Variants in MOCOS observed in about 807,000 individuals in gnomAD.
MOCOS encodes molybdenum cofactor sulfurase.
A neutral mutation model predicts 83.6 loss-of-function variants in MOCOS; 86 were observed. The observed-to-expected ratio is 1.03, with a 90% CI of 0.86 to 1.23. The LOEUF is 1.23. Ranked by LOEUF, MOCOS falls within the 50% of genes most tolerant of loss-of-function variation. The pLI is 0.00. For synonymous variants in MOCOS, 445 were observed against 434.7 expected (o/e 1.02, Z -0.29); for missense variants, 1,120 against 1,126.9 (o/e 0.99, Z 0.09).
chr18:36,231,146 T>A (rs939561997), intron 9 of MOCOS, among the ~76,000 whole-genome samples: 1 of 152,212 alleles, frequency 6.6e-6, no homozygotes, highest in Admixed American at 6.5e-5. Context: ...ATGACTAAAT[T>A]TATTTCTTAC....
intron 12 of MOCOS, among the ~76,000 whole-genome samples, chr18:36,258,010 C>T (rs2091649190): frequency 6.6e-6 from 1 of 152,186 alleles, no homozygotes; most frequent in Admixed American, 6.5e-5. Flanking sequence ...AGCTCGCTAT[C>T]TTTGAGAGCA....
At chr18:36,211,588 A>G (rs2091455627) in intron 6 of MOCOS, among the ~76,000 whole-genome samples, 2 of 152,014 alleles carry the variant, frequency 1.3e-5, no homozygotes, top group Admixed American at 1.3e-4. Flanking sequence ...GTCCTCCCTG[A>G]ATGCTGTGCT....
intron 9 of MOCOS, among the ~76,000 whole-genome samples, chr18:36,221,088 A>G (rs947323585): frequency 2.6e-5 from 4 of 152,224 alleles, no homozygotes; most frequent in Non-Finnish European, 5.9e-5. Context: ...AACCAATAGA[A>G]AAGTATAGGC....
intron 2 of MOCOS, among the ~76,000 whole-genome samples, chr18:36,195,923 CT>C (rs5824001): frequency 0.15 from 22,367 of 152,142 alleles, 1,850 homozygotes; most frequent in East Asian, 0.31. Flanking sequence ...TTGTGCATGT[CT>C]AGGGAAAGCT....
At position 36,199,685 on chromosome 18, in the gene MOCOS, T is replaced by C. The variant is rs770143678; in HGVS notation, c.302T>C (p.Ile101Thr). Reference protein sequence around the residue: ...HDTVEQVRYRILAHFHTTAED... With the variant: ...HDTVEQVRYRTLAHFHTTAED... Reference sequence around the variant, plus strand: ...CGGGGATGCTGTGCTTCTTCCAGAATCCTGGCGCACTTCCACACCACCGCA... The same window carrying C: ...CGGGGATGCTGTGCTTCTTCCAGAACCCTGGCGCACTTCCACACCACCGCA... Residue 101 changes from isoleucine to threonine, a missense_variant and splice_region_variant, in exon 4 of 15, where the codon ATC becomes ACC. Transcript: ENST00000261326. 1 of 1,613,600 alleles carries C rather than the reference T, an allele frequency of 6.2e-7. No homozygotes were observed. The highest frequency in any genetic ancestry group is 8.5e-7 in the Non-Finnish European group (1 of 1,180,044).
intron 9 of MOCOS, among the ~76,000 whole-genome samples, chr18:36,240,966 G>A (rs887035593): frequency 6.6e-6 from 1 of 152,230 alleles, no homozygotes; most frequent in African/African-American, 2.4e-5. Context: ...CTTCCCGAGT[G>A]AGGCAATGCC....
At chr18:36,210,378 C>T (rs2091450065) in intron 6 of MOCOS, among the ~76,000 whole-genome samples, 1 of 152,164 alleles carries the variant, frequency 6.6e-6, no homozygotes, top group Non-Finnish European at 1.5e-5. Context: ...GTGCAGACCC[C>T]TTGCCCCCAC....
At chr18:36,250,312 C>T (rs1055702065) in intron 10 of MOCOS, among the ~76,000 whole-genome samples, 5 of 152,188 alleles carry the variant, frequency 3.3e-5, no homozygotes, top group Admixed American at 6.5e-5. Flanking sequence ...CCATATTGCA[C>T]GTCTTTGTGC....
rs1282036923 is a variant in MOCOS at position 36,271,584 on chromosome 18, T to C, written c.*2899T>C. 6.6e-6 allele frequency: 1 copy of C among 152,134 alleles called. No homozygotes were observed. Among genetic ancestry groups the C allele is most frequent in the Non-Finnish European group, 1.5e-5 (1 of 68,030 alleles). The allele number at this position is 152,134 out of a possible 1,614,324, so 9.4% of individuals were successfully genotyped here. On this transcript the variant is annotated 3_prime_UTR_variant, in exon 15 of 15. Coordinates refer to ENST00000261326, the MANE Select transcript of MOCOS (RefSeq NM_017947.4). ...AAGTGTATAACAAAATCAAAGACAA[T>C]GTCATGTCCCTTGAATTTAATTCTA...
Position 36,200,159 on chromosome 18 carries a change from C to G in MOCOS, c.776C>G (p.Pro259Arg). ...DLSAHQADFV[P>R]ISFYKIFGFP... is the part of the protein sequence containing the mutation. Reference sequence around the variant, plus strand: ...TCAGCTCACCAGGCCGACTTTGTCCCCATCTCCTTCTATAAGATCTTCGGG... The same window carrying G: ...TCAGCTCACCAGGCCGACTTTGTCCGCATCTCCTTCTATAAGATCTTCGGG... The change falls in exon 4 of 15, where the codon CCC becomes CGC. Residue 259 changes from proline to arginine, a missense_variant. Coordinates refer to ENST00000261326, the MANE Select transcript of MOCOS (RefSeq NM_017947.4). 2 of 1,614,206 alleles carry G rather than the reference C, an allele frequency of 1.2e-6. No homozygotes were observed. Among genetic ancestry groups the G allele is most frequent in the African/African-American group, 1.3e-5 (1 of 75,050 alleles).
At chr18:36,266,953 G>A (rs2091684029) in intron 14 of MOCOS, 100 bp downstream of exon 14, 4 of 998,300 alleles carry the variant, frequency 4.0e-6, no homozygotes, top group South Asian at 1.4e-5. Context: ...TTTAAATGGG[G>A]GATTTGCTGC....
intron 9 of MOCOS, among the ~76,000 whole-genome samples, chr18:36,238,002 C>T (rs187539431): frequency 0.017 from 2,552 of 150,788 alleles, 75 homozygotes; most frequent in African/African-American, 0.059. Flanking sequence ...TTTTTTATTG[C>T]GTCTATTTGA....
chr18:36,258,924 A>G (rs570327803), intron 12 of MOCOS, among the ~76,000 whole-genome samples: 1 of 152,266 alleles, frequency 6.6e-6, no homozygotes, highest in South Asian at 2.1e-4. Flanking sequence ...CTTGTATCCC[A>G]TCCCAGTCAG....
rs537850275 is a variant in MOCOS, at chr18:36,221,580, C to T, written c.1960+1363C>T. The stretch of plus-strand genomic sequence containing the variant: ...GATATATAACATTTCCATATATTCA[C>T]GATTGTGTTTCTTGGCTGTAAGTGT... On this transcript the variant is annotated intron_variant, in intron 9 of 14. Coordinates refer to ENST00000261326, the MANE Select transcript of MOCOS (RefSeq NM_017947.4). 6.0e-4 allele frequency among the ~76,000 whole-genome samples: 91 copies of T among 151,380 alleles called. 1 individual carries two copies. The highest frequency in any genetic ancestry group is 2.2e-3 in the African/African-American group (89 of 41,360).
intron 9 of MOCOS, 101 bp from the exon 10 acceptor site, chr18:36,248,821 A>G: frequency 1.1e-6 from 1 of 918,360 alleles, no homozygotes. Context: ...TTATGTCAGT[A>G]CCATGCTGTT....
At position 36,193,317 on chromosome 18, in the gene MOCOS, C is replaced by CAAAAAA. The variant is rs555145311; in HGVS notation, c.143-1907_143-1902dup. On this transcript the variant is annotated intron_variant, in intron 1 of 14. Coordinates refer to ENST00000261326, the MANE Select transcript of MOCOS (RefSeq NM_017947.4). ...TGGGCGACAGAGCGAGACTCCGTCT[C>CAAAAAA]AAAAAAAAAAAAAAAAAAAAAAAAA... Among the ~76,000 whole-genome samples the CAAAAAA allele has an allele frequency of 1.4e-3, 55 of 38,310 alleles. 11 individuals are homozygous for CAAAAAA. The highest frequency in any genetic ancestry group is 1.5e-3 in the African/African-American group (15 of 9,784). The allele number at this position is 38,310 out of a possible 152,430, so 25.1% of individuals were successfully genotyped here.
chr18:36,214,261 A>AG (rs1167317909), intron 7 of MOCOS, among the ~76,000 whole-genome samples: 1 of 30,742 alleles, frequency 3.3e-5, no homozygotes, highest in East Asian at 3.4e-3. Context: ...AAAAAAAAAA[A>AG]AGAAAAGAAA....
intron 2 of MOCOS, among the ~76,000 whole-genome samples, chr18:36,197,695 C>T (rs2091394858): frequency 6.6e-6 from 1 of 152,052 alleles, no homozygotes; most frequent in Non-Finnish European, 1.5e-5. Flanking sequence ...AGCCCTTGAG[C>T]CCAGGAATTC....
At chr18:36,240,946 AC>A (rs1329751487) in intron 9 of MOCOS, among the ~76,000 whole-genome samples, 1 of 151,700 alleles carries the variant, frequency 6.6e-6, no homozygotes, top group Non-Finnish European at 1.5e-5. Flanking sequence ...GAACTCCCTG[AC>A]CCCTTGTGCT....
Sources: gnomAD v4.1 joint callset for allele counts (sites outside exome capture counted in the v4.1 genomes callset) on GRCh38, gnomAD v4.1.1 for gene constraint, MANE v1.5 for transcripts, NCBI Gene and HGNC (gene_info 2026-07-23, HGNC 2026-07-21) for gene names.